Variants in IL1RAPL2 observed in about 807,000 individuals in gnomAD.
IL1RAPL2 encodes X-linked interleukin-1 receptor accessory protein-like 2.
Under a neutral mutation model 44.1 loss-of-function variants are expected in IL1RAPL2, and 3 were observed. The observed-to-expected ratio is 0.07, with a 90% CI of 0.03 to 0.18. The LOEUF is 0.18. IL1RAPL2 is among the 10% of genes least tolerant of loss of function. The pLI is 1.00. For synonymous variants in IL1RAPL2, 181 were observed against 178.8 expected, an observed-to-expected ratio of 1.01 and a Z score of -0.10; for missense variants, 391 against 496.4, an observed-to-expected ratio of 0.79 and a Z score of 2.02.
intron 2 of IL1RAPL2, among the ~76,000 whole-genome samples, chrX:104,734,694 TCTGTATC>T (rs1340680914): frequency 8.9e-6 from 1 of 111,861 alleles, no homozygotes; most frequent in African/African-American, 3.2e-5. Flanking sequence ...ATGGAACTGT[TCTGTATC>T]CTGATTCTGG....
At chrX:105,372,561 G>T (rs755947666) in intron 5 of IL1RAPL2, among the ~76,000 whole-genome samples, 2 of 111,005 alleles carry the variant, frequency 1.8e-5, no homozygotes, top group African/African-American at 6.6e-5. Flanking sequence ...TTTGTTGTAC[G>T]GATTATTTCT....
intron 2 of IL1RAPL2, among the ~76,000 whole-genome samples, chrX:104,906,604 A>T (rs1299219854): frequency 8.9e-6 from 1 of 112,229 alleles, no homozygotes; most frequent in Non-Finnish European, 1.9e-5. Flanking sequence ...ATGCTGGATT[A>T]CATTTACTGA....
At chrX:105,031,595 C>T (rs150838489) in intron 2 of IL1RAPL2, among the ~76,000 whole-genome samples, 2,137 of 111,557 alleles carry the variant, frequency 0.019, 50 homozygotes, top group African/African-American at 0.066. Context: ...GGATGAAGCC[C>T]ACTTGAGCAT....
At position 105,507,187 on chromosome X, in the gene IL1RAPL2, T is replaced by C. The variant is rs141283523; in HGVS notation, c.772+22800T>C. On this transcript the variant is annotated intron_variant, in intron 6 of 10. Coordinates refer to ENST00000372582, the MANE Select transcript of IL1RAPL2 (RefSeq NM_017416.2). Reference sequence around the variant, plus strand: ...ATTCATGTTGTGCCATTTTATGTTATTCTTACTCTGTCAAGAGAATGAGTT... The same window carrying C: ...ATTCATGTTGTGCCATTTTATGTTACTCTTACTCTGTCAAGAGAATGAGTT... Among the ~76,000 whole-genome samples, 8 of 112,002 alleles carry C rather than the reference T, an allele frequency of 7.1e-5. No homozygotes were observed. The East Asian group carries it at 2.3e-3, about 32-fold the overall frequency.
At chrX:104,979,198 A>T (rs1032150156) in intron 2 of IL1RAPL2, among the ~76,000 whole-genome samples, 4 of 111,621 alleles carry the variant, frequency 3.6e-5, no homozygotes, top group African/African-American at 1.3e-4. Context: ...ATATAATTAA[A>T]GGGCCATATT....
chrX:104,964,237 A>G (rs1056821350), intron 2 of IL1RAPL2, among the ~76,000 whole-genome samples: 2 of 111,006 alleles, frequency 1.8e-5, no homozygotes, highest in African/African-American at 6.5e-5. Context: ...GTCATTTTAT[A>G]TTGTGTTACC....
In IL1RAPL2 at chrX:105,426,012, TTC is replaced by T. The variant is rs1452765512; in HGVS notation, c.698-58299_698-58298del. 4.7e-5 allele frequency among the ~76,000 whole-genome samples: 5 copies of T among 105,938 alleles called. No homozygotes were observed. The East Asian group carries it at 8.9e-4, about 19-fold the overall frequency. The allele number at this position is 105,938 out of a possible 115,157, so 92.0% of individuals were successfully genotyped here. On this transcript the variant is annotated intron_variant, in intron 5 of 10. Coordinates refer to ENST00000372582, the MANE Select transcript of IL1RAPL2 (RefSeq NM_017416.2). The stretch of plus-strand genomic sequence containing the variant: ...AATCTGTAATTTTCTTGTTTATTTT[TTC>T]TGTTTTTTTTTTTTTTTATGTTTTG...
At chrX:104,778,019 TG>T (rs771047689) in intron 2 of IL1RAPL2, among the ~76,000 whole-genome samples, 11 of 110,279 alleles carry the variant, frequency 1.0e-4, no homozygotes, top group Non-Finnish European at 1.5e-4. Flanking sequence ...TGCCAACACT[TG>T]TTTTTTTTTT....
intron 1 of IL1RAPL2, among the ~76,000 whole-genome samples, chrX:104,593,791 C>T (rs544839396): frequency 2.7e-5 from 3 of 111,997 alleles, no homozygotes; most frequent in East Asian, 2.8e-4. Flanking sequence ...ATTCCACCTG[C>T]GTGGATGACC....
intron 6 of IL1RAPL2, among the ~76,000 whole-genome samples, chrX:105,575,392 A>C (rs1398329746): frequency 9.0e-6 from 1 of 110,831 alleles, no homozygotes. Context: ...ATGTGTTCTC[A>C]TCATTTAGCT....
intron 2 of IL1RAPL2, among the ~76,000 whole-genome samples, chrX:104,947,644 G>A (rs1009745851): frequency 1.8e-5 from 2 of 108,141 alleles, no homozygotes; most frequent in South Asian, 4.2e-4. Flanking sequence ...TGGCTAGCCT[G>A]TTTTCCCAGC....
chrX:105,376,122 C>T (rs1230642351), intron 5 of IL1RAPL2, among the ~76,000 whole-genome samples: 4 of 111,460 alleles, frequency 3.6e-5, no homozygotes, highest in African/African-American at 1.3e-4. Flanking sequence ...TTCATTGCTG[C>T]ACAGAAAAAC....
At chrX:105,114,880 T>C (rs1180073858) in intron 2 of IL1RAPL2, among the ~76,000 whole-genome samples, 5 of 111,490 alleles carry the variant, frequency 4.5e-5, no homozygotes, top group Non-Finnish European at 7.5e-5. Flanking sequence ...GGCACAAGAG[T>C]TGTCTTATTA....
At chrX:105,329,709 T>C (rs1361122633) in intron 5 of IL1RAPL2, among the ~76,000 whole-genome samples, 1 of 111,223 alleles carries the variant, frequency 9.0e-6, no homozygotes, top group Non-Finnish European at 1.9e-5. Context: ...ATACGGCTTT[T>C]AAGCACTTGA....
intron 2 of IL1RAPL2, among the ~76,000 whole-genome samples, chrX:104,816,734 A>C (rs1043383986): frequency 8.9e-6 from 1 of 111,963 alleles, no homozygotes; most frequent in African/African-American, 3.2e-5. Flanking sequence ...GGAATCATTA[A>C]GAGTTGGTTT....
At chrX:105,075,991 C>A (rs1251403979) in intron 2 of IL1RAPL2, among the ~76,000 whole-genome samples, 1 of 111,517 alleles carries the variant, frequency 9.0e-6, no homozygotes, top group African/African-American at 3.3e-5. Flanking sequence ...TTCAAAAAAC[C>A]AGCTCCTGGA....
intron 2 of IL1RAPL2, among the ~76,000 whole-genome samples, chrX:104,969,249 G>A (rs1378249133): frequency 9.1e-6 from 1 of 110,233 alleles, no homozygotes; most frequent in Non-Finnish European, 1.9e-5. Context: ...AGTATGAGTC[G>A]ACATTGAAGA....
intron 4 of IL1RAPL2, among the ~76,000 whole-genome samples, chrX:105,235,927 A>T (rs1464909847): frequency 8.9e-6 from 1 of 112,397 alleles, no homozygotes; most frequent in Non-Finnish European, 1.9e-5. Context: ...TATTCAAGGC[A>T]GTGTGACTCC....
At chrX:104,999,427 A>G (rs1364610065) in intron 2 of IL1RAPL2, among the ~76,000 whole-genome samples, 1 of 111,527 alleles carries the variant, frequency 9.0e-6, no homozygotes, top group Non-Finnish European at 1.9e-5. Flanking sequence ...GAACATCTCT[A>G]GGCAATGTTG....
Sources: allele counts gnomAD v4.1 joint callset (sites outside exome capture counted in the v4.1 genomes callset), GRCh38; gene constraint gnomAD v4.1.1; transcripts MANE v1.5; gene names NCBI Gene and HGNC (gene_info 2026-07-23, HGNC 2026-07-21).